The following AACS variants were observed in gnomAD, a reference collection of about 807,000 sequenced individuals.
AACS encodes the protein acetoacetyl-CoA synthetase.
AACS carries 69 observed loss-of-function variants against 83.1 expected under a neutral mutation model. The ratio of observed to expected loss-of-function variants is 0.83; its 90% confidence interval spans 0.68 to 1.01. The LOEUF is 1.01. AACS is among the 50% of genes least tolerant of loss of function. The pLI, the probability that AACS is intolerant of heterozygous loss-of-function variation, is 0.00. For synonymous variants in AACS, 333 were observed against 343.4 expected (o/e 0.97, Z 0.33); for missense variants, 866 against 882.2 (o/e 0.98, Z 0.23).
chr12:125,118,574 C>G, intron 9 of AACS, 67 bp from the exon 10 acceptor site: 1 of 1,586,740 alleles, frequency 6.3e-7, no homozygotes, highest in Non-Finnish European at 8.6e-7. Flanking sequence ...ACACAGGAAG[C>G]TGAGGGGGCA....
intron 12 of AACS, 27 bp from the exon 13 acceptor site, chr12:125,128,134 T>C: frequency 6.4e-7 from 1 of 1,563,252 alleles, no homozygotes; most frequent in Non-Finnish European, 8.7e-7. Context: ...TTCTAAATTT[T>C]GAGTCTCCCT....
chr12:125,134,784 C>G lies in AACS; in HGVS notation c.1620-10C>G, dbSNP rs1957378059. Reference sequence around the variant, plus strand: ...CTGCGGTGTGGCCCTGACCTCTTCTCTCTTTCCAGTGACGGCACCCTCAAC... The same window carrying G: ...CTGCGGTGTGGCCCTGACCTCTTCTGTCTTTCCAGTGACGGCACCCTCAAC... On this transcript the variant is annotated splice_polypyrimidine_tract_variant and intron_variant, in intron 15 of 17. Transcript: ENST00000316519. 6.2e-7 allele frequency: 1 copy of G among 1,614,198 alleles called. No homozygotes were observed.
intron 3 of AACS, chr12:125,078,146 C>T: frequency 2.2e-6 from 1 of 456,322 alleles, no homozygotes. Flanking sequence ...TGGCCCTGCC[C>T]AGGCTACAGA....
intron 1 of AACS, among the ~76,000 whole-genome samples, chr12:125,072,260 C>T (rs191230871): frequency 1.3e-5 from 2 of 151,684 alleles, no homozygotes; most frequent in African/African-American, 4.8e-5. Context: ...TGGGCTAAAG[C>T]GATCCTCTCA....
rs778192640 is a variant in AACS, at chr12:125,124,722, C to T, written c.1139C>T (p.Thr380Ile). The T allele has an allele frequency of 6.2e-7, 1 of 1,614,116 alleles. No homozygotes were observed. Residue 380 changes from threonine to isoleucine, a missense_variant, in exon 11 of 18, where the codon ACT (threonine) becomes ATT (isoleucine). Physicochemically the swap from Thr to Ile is moderately conservative, Grantham distance 89. Coordinates refer to ENST00000316519, the MANE Select transcript of AACS (RefSeq NM_023928.5). ...CACCCTAGCATCACTGTCCTGGTAACTGGGGCCAAGTGGCTGTCAGTGCTG... is the reference window on the plus strand; with the variant it reads ...CACCCTAGCATCACTGTCCTGGTAATTGGGGCCAAGTGGCTGTCAGTGCTG... ...VDRIGITVLV[T>I]GAKWLSVLEE...
At chr12:125,112,757 G>A (rs1956981566) in intron 8 of AACS, among the ~76,000 whole-genome samples, 2 of 152,014 alleles carry the variant, frequency 1.3e-5, no homozygotes, top group Non-Finnish European at 2.9e-5. Flanking sequence ...TACGTGGCTG[G>A]GGAGGCCTCA....
In AACS at chr12:125,118,639, A is replaced by G; in HGVS notation, c.997-2A>G. 1 of 1,613,954 alleles carries G rather than the reference A, an allele frequency of 6.2e-7. No individual in the cohort carries two copies. Among genetic ancestry groups the G allele is most frequent in the Non-Finnish European group, 8.5e-7 (1 of 1,179,916 alleles). ...GAAGCCGCATCCCTCCTGTCTTTGC[A>G]GGTCGGCTGGATGATGTGGAACTGG... On this transcript the variant is annotated splice_acceptor_variant, in intron 9 of 17. Transcript: ENST00000316519. LOFTEE classifies it high-confidence loss of function.
chr12:125,136,604 C>G (rs1957403589), intron 16 of AACS, 58 bp from the exon 17 acceptor site: 1 of 1,495,838 alleles, frequency 6.7e-7, no homozygotes, highest in Admixed American at 1.7e-5. Context: ...TGCTGTGAGG[C>G]CCGACCCCAC....
chr12:125,065,739 G>C, intron 1 of AACS, 22 bp downstream of exon 1: 2 of 1,511,876 alleles, frequency 1.3e-6, no homozygotes, highest in South Asian at 2.5e-5. Context: ...GCGCGCGGCC[G>C]GGCCTGCGGG....
chr12:125,126,085 G>A (rs1957241686), intron 12 of AACS: 1 of 151,916 alleles, frequency 6.6e-6, no homozygotes, highest in Non-Finnish European at 1.5e-5. Flanking sequence ...AGCCTCCCAA[G>A]TGGCTGGGAT....
intron 5 of AACS, among the ~76,000 whole-genome samples, chr12:125,099,721 C>G (rs1956678304): frequency 6.6e-6 from 1 of 152,178 alleles, no homozygotes; most frequent in Admixed American, 6.5e-5. Flanking sequence ...GAGTCTCGCT[C>G]TATCACCGAG....
Position 125,102,895 on chromosome 12 carries a change from G to C in AACS, c.685+102G>C, listed in dbSNP as rs1335243159. On this transcript the variant is annotated intron_variant, in intron 6 of 17. Transcript: ENST00000316519. The stretch of plus-strand genomic sequence containing the variant: ...CTGGGTAGTCTCTGCCCCAGATTGT[G>C]TTATATTCTCTGCCCCAGATTGTGT... 3 of 1,429,732 alleles carry C rather than the reference G, an allele frequency of 2.1e-6. No homozygotes were observed. In the African/African-American group the frequency reaches 4.3e-5, roughly 20 times the overall value. 88.6% of individuals were successfully genotyped at this position (1,429,732 alleles called of 1,614,324 possible).
At chr12:125,070,205 C>T (rs2136028965) in intron 1 of AACS, among the ~76,000 whole-genome samples, 1 of 152,314 alleles carries the variant, frequency 6.6e-6, no homozygotes, top group East Asian at 1.9e-4. Flanking sequence ...TCCTGTCCAG[C>T]CTGCTGCCCC....
At chr12:125,103,358 C>A (rs1027208112) in intron 7 of AACS, among the ~76,000 whole-genome samples, 5 of 152,252 alleles carry the variant, frequency 3.3e-5, no homozygotes, top group Admixed American at 3.3e-4. Context: ...TGGGGCCAAG[C>A]CCACCTTCCT....
chr12:125,084,879 G>C (rs1956295853), intron 3 of AACS, among the ~76,000 whole-genome samples: 1 of 152,106 alleles, frequency 6.6e-6, no homozygotes, highest in Non-Finnish European at 1.5e-5. Context: ...ACCCTGCCTA[G>C]CCTTAGTTTT....
rs200054535 is a variant in AACS at position 125,076,582 on chromosome 12, A to G, written c.329A>G (p.Glu110Gly). 1 of 1,614,192 alleles carries G rather than the reference A, an allele frequency of 6.2e-7. No individual in the cohort carries two copies. Among genetic ancestry groups the G allele is most frequent in the East Asian group, 2.2e-5 (1 of 44,880 alleles). ...GCAGAAAACCTCCTGCGGCACAAAG[A>G]GAATGACAGAGTTGCCCTTTACATT... is the stretch of plus-strand genomic sequence containing the variant. Reference protein sequence around the residue: ...NYAENLLRHKENDRVALYIAR... With the variant: ...NYAENLLRHKGNDRVALYIAR... Residue 110 changes from glutamate to glycine, a missense_variant, in exon 3 of 18, where the codon GAG (glutamate) becomes GGG (glycine). By Grantham distance (98) the Glu-to-Gly change is moderately conservative (BLOSUM62 -2). Transcript: ENST00000316519.
intron 5 of AACS, among the ~76,000 whole-genome samples, chr12:125,093,054 G>A (rs532051209): frequency 6.6e-6 from 1 of 152,360 alleles, no homozygotes; most frequent in East Asian, 1.9e-4. Context: ...CTGCACAGAT[G>A]GCAGGAGCCA....
intron 9 of AACS, among the ~76,000 whole-genome samples, chr12:125,115,887 CCTCA>C (rs1317639706): frequency 9.2e-5 from 14 of 151,920 alleles, no homozygotes; most frequent in East Asian, 1.9e-4. Flanking sequence ...ACCCCTGAGA[CCTCA>C]CACATACACC....
intron 4 of AACS, chr12:125,091,150 G>A: frequency 6.3e-6 from 3 of 477,880 alleles, no homozygotes; most frequent in South Asian, 4.2e-5. Flanking sequence ...GAAGGCTGCT[G>A]TGACCAGATC....
Sources: allele counts gnomAD v4.1 joint callset (sites outside exome capture counted in the v4.1 genomes callset), GRCh38; gene constraint gnomAD v4.1.1; transcripts MANE v1.5; gene names NCBI Gene and HGNC (gene_info 2026-07-23, HGNC 2026-07-21).